Variants in STK4 observed in about 807,000 individuals in gnomAD.
STK4 encodes serine/threonine kinase 4, also known as serine/threonine-protein kinase 4.
STK4 carries 30 observed loss-of-function variants against 64.9 expected under a neutral mutation model. That is an observed-to-expected ratio of 0.46 (90% CI 0.35 to 0.63). The LOEUF is 0.63. Ranked by LOEUF, STK4 falls within the 20% of genes least tolerant of loss-of-function variation. The pLI is 0.01. For synonymous variants in STK4, 177 were observed against 199.0 expected (o/e 0.89, Z 0.93); for missense variants, 466 against 598.5 (o/e 0.78, Z 2.31).
chr20:45,011,150 G>A (rs1363304727), intron 9 of STK4, among the ~76,000 whole-genome samples: 2 of 152,118 alleles, frequency 1.3e-5, no homozygotes, highest in Non-Finnish European at 2.9e-5. Context: ...TGTTGTTTTT[G>A]TTTTTGAATA....
chr20:44,967,572 T>A (rs993238988), intron 1 of STK4, among the ~76,000 whole-genome samples: 1 of 152,078 alleles, frequency 6.6e-6, no homozygotes, highest in Admixed American at 6.5e-5. Context: ...ACCGAAGGAG[T>A]CATGCTTCTC....
intron 10 of STK4, among the ~76,000 whole-genome samples, chr20:45,053,370 T>C (rs1978301170): frequency 6.6e-6 from 1 of 152,198 alleles, no homozygotes; most frequent in East Asian, 1.9e-4. Context: ...CTGAGACTGT[T>C]TTTCATTTCC....
At chr20:44,983,556 A>G (rs935512558) in intron 4 of STK4, among the ~76,000 whole-genome samples, 2 of 152,206 alleles carry the variant, frequency 1.3e-5, no homozygotes, top group Non-Finnish European at 2.9e-5. Context: ...CAGGAGGTTA[A>G]GGCTGCTGTA....
chr20:44,979,844 A>G (rs1340115495), intron 3 of STK4, among the ~76,000 whole-genome samples: 2 of 151,420 alleles, frequency 1.3e-5, no homozygotes, highest in African/African-American at 4.9e-5. Context: ...TGGATTGACC[A>G]GATGAAGGTG....
At chr20:45,004,730 T>G (rs1483098358) in intron 9 of STK4, among the ~76,000 whole-genome samples, 1 of 151,864 alleles carries the variant, frequency 6.6e-6, no homozygotes, top group East Asian at 1.9e-4. Context: ...TTTTGATATT[T>G]TTGTCATGAA....
chr20:44,990,088 T>C (rs1332298765), intron 5 of STK4, among the ~76,000 whole-genome samples: 1 of 152,206 alleles, frequency 6.6e-6, no homozygotes, highest in East Asian at 1.9e-4. Context: ...AAAAGGCCGT[T>C]GGGATTTTGG....
At chr20:45,012,456 C>A (rs2068067697) in intron 9 of STK4, among the ~76,000 whole-genome samples, 2 of 152,196 alleles carry the variant, frequency 1.3e-5, no homozygotes. Flanking sequence ...TTAATTCTTT[C>A]TATGCATGAA....
intron 9 of STK4, 70 bp downstream of exon 9, chr20:45,001,423 T>C (rs1244727615): frequency 1.3e-6 from 2 of 1,521,842 alleles, no homozygotes; most frequent in Non-Finnish European, 1.8e-6. Context: ...CAGATTCTCA[T>C]GGTTCATGCA....
At chr20:45,071,181 C>A (rs1490913060) in intron 10 of STK4, among the ~76,000 whole-genome samples, 6 of 152,104 alleles carry the variant, frequency 3.9e-5, no homozygotes, top group Non-Finnish European at 8.8e-5. Context: ...TATTCACATC[C>A]TATGGGATAG....
intron 5 of STK4, among the ~76,000 whole-genome samples, chr20:44,993,263 CATACAT>C (rs945457555): frequency 4.0e-5 from 6 of 151,308 alleles, no homozygotes; most frequent in Non-Finnish European, 7.4e-5. Context: ...TACACACACA[CATACAT>C]ATACACATAT....
chr20:45,051,063 C>T (rs552397423), intron 10 of STK4, among the ~76,000 whole-genome samples: 12 of 152,286 alleles, frequency 7.9e-5, no homozygotes, highest in African/African-American at 2.9e-4. Flanking sequence ...AAACTTTCCA[C>T]TTCAAACTCT....
chr20:44,997,139 T>A, intron 6 of STK4, 30 bp from the exon 7 acceptor site: 1 of 1,612,198 alleles, frequency 6.2e-7, no homozygotes, highest in Non-Finnish European at 8.5e-7. Flanking sequence ...TTTTACCAGA[T>A]CTTTTTGTTT....
chr20:45,034,543 A>G (rs2068496044), intron 10 of STK4, among the ~76,000 whole-genome samples: 1 of 152,200 alleles, frequency 6.6e-6, no homozygotes, highest in Admixed American at 6.5e-5. Context: ...AAGAAGAACA[A>G]GGTTGATCTT....
At chr20:45,019,811 G>T (rs190617820) in intron 9 of STK4, among the ~76,000 whole-genome samples, 1 of 152,186 alleles carries the variant, frequency 6.6e-6, no homozygotes, top group African/African-American at 2.4e-5. Context: ...AAACCCACAA[G>T]CTAGCTGAAG....
At chr20:45,035,670 T>C (rs2068516713) in intron 10 of STK4, among the ~76,000 whole-genome samples, 1 of 152,212 alleles carries the variant, frequency 6.6e-6, no homozygotes, top group Non-Finnish European at 1.5e-5. Context: ...TCACTTTATC[T>C]TACCCGTCTT....
intron 5 of STK4, among the ~76,000 whole-genome samples, chr20:44,988,565 A>G (rs1036751087): frequency 3.5e-5 from 5 of 143,816 alleles, no homozygotes; most frequent in Non-Finnish European, 6.0e-5. Context: ...ATATATATAT[A>G]TATGTATCCA....
chr20:45,066,008 T>C (rs1477680375), intron 10 of STK4, among the ~76,000 whole-genome samples: 1 of 152,150 alleles, frequency 6.6e-6, no homozygotes, highest in Non-Finnish European at 1.5e-5. Flanking sequence ...AGAGTTGTGA[T>C]GCTGGCAATT....
At chr20:44,996,668 T>C (rs2067736479) in intron 6 of STK4, among the ~76,000 whole-genome samples, 1 of 152,142 alleles carries the variant, frequency 6.6e-6, no homozygotes, top group Non-Finnish European at 1.5e-5. Context: ...AATTTTTAAT[T>C]TTTCCCCCTC....
chr20:44,989,985 CA>C (rs1221544926), intron 5 of STK4, among the ~76,000 whole-genome samples: 3 of 152,066 alleles, frequency 2.0e-5, no homozygotes, highest in African/African-American at 7.2e-5. Context: ...GTGAGTGTTC[CA>C]ACTTTGTCCT....
Sources: allele counts gnomAD v4.1 joint callset (sites outside exome capture counted in the v4.1 genomes callset), GRCh38; gene constraint gnomAD v4.1.1; transcripts MANE v1.5; gene names NCBI Gene and HGNC (gene_info 2026-07-23, HGNC 2026-07-21).